Variants in ABCA10 observed in about 807,000 individuals in gnomAD.
The protein encoded by ABCA10 is ATP-binding cassette sub-family A member 10.
In ABCA10, 169 loss-of-function variants were observed where a neutral mutation model predicts 187.5. The ratio of observed to expected loss-of-function variants is 0.90; its 90% confidence interval spans 0.80 to 1.02. The LOEUF (loss-of-function observed/expected upper bound fraction) is 1.02, where lower values mean the gene tolerates loss of function less well. Ranked by LOEUF, ABCA10 falls within the 50% of genes least tolerant of loss-of-function variation. ABCA10 has a pLI of 0.00. For missense variants in ABCA10, 1,727 were observed against 1,812.4 expected (o/e 0.95, Z 0.86); for synonymous variants, 574 against 601.8 (o/e 0.95, Z 0.68).
rs138284687 is a variant in ABCA10, at chr17:69,191,199, A to G, written c.1988T>C (p.Leu663Ser). ...ACCTGGAAATTTGTTCGTTTTTTCC[A>G]AAGGCAAACTATATACAAGTTTTTC... ...SEEKLVYSLPLEKTNKFPDLY... is the reference protein window; with the variant it reads ...SEEKLVYSLPSEKTNKFPDLY... Residue 663 changes from leucine (L) to serine (S), a missense_variant, in exon 17 of 39, where the codon TTG becomes TCG. Transcript: ENST00000690296. The G allele has an allele frequency of 5.6e-4, 892 of 1,594,658 alleles. 4 individuals carry two copies. In the East Asian group the frequency reaches 0.016, roughly 29 times the overall value.
chr17:69,223,032 C>T (rs1030041815), intron 3 of ABCA10, among the ~76,000 whole-genome samples: 4 of 144,136 alleles, frequency 2.8e-5, no homozygotes, highest in Non-Finnish European at 6.0e-5. Context: ...GAAGGATATA[C>T]ACAATTTGAA....
At chr17:69,183,691 AG>A (rs554832626) in intron 20 of ABCA10, among the ~76,000 whole-genome samples, 8 of 152,220 alleles carry the variant, frequency 5.3e-5, no homozygotes, top group Admixed American at 2.0e-4. Flanking sequence ...AAGCAGTGGG[AG>A]GAACCCTGTG....
At position 69,152,064 on chromosome 17, in the gene ABCA10, G is replaced by A. The variant is rs765637298; in HGVS notation, c.4376C>T (p.Pro1459Leu). 7.4e-6 allele frequency: 12 copies of A among 1,610,864 alleles called. No individual in the cohort carries two copies. The highest frequency in any genetic ancestry group is 1.0e-5 in the Non-Finnish European group (12 of 1,179,348). ...TTACCTTTCCTGCCAAGCAGCCTGT[G>A]GGAAAAGCTTCAAAATCTCTGTGTG... ...ALHTEILKLF[P>L]QAAWQERYSS... The change falls in exon 36 of 39, where the codon CCA becomes CTA. Residue 1459 changes from proline to leucine, a missense_variant. Physicochemically the swap from Pro to Leu is moderately conservative, Grantham distance 98. Coordinates refer to ENST00000690296, the MANE Select transcript of ABCA10 (RefSeq NM_001377321.1).
rs1296354859 is a variant in ABCA10, at chr17:69,240,474, G to GA, written c.-593+4054dup. Among the ~76,000 whole-genome samples, 4 of 152,316 alleles carry GA rather than the reference G, an allele frequency of 2.6e-5. No individual in the cohort carries two copies. In the South Asian group the frequency reaches 8.3e-4, roughly 32 times the overall value. Reference sequence around the variant, plus strand: ...TTCATTTCAGCATCCACAGGAGCCTGAACAATGGGCCATTCTATGGTCCCA... The same window carrying GA: ...TTCATTTCAGCATCCACAGGAGCCTGAAACAATGGGCCATTCTATGGTCCCA... On this transcript the variant is annotated intron_variant, in intron 1 of 39. Transcript: ENST00000269081.
At chr17:69,196,597 T>C (rs1036295072) in intron 11 of ABCA10, 24 of 189,934 alleles carry the variant, frequency 1.3e-4, no homozygotes, top group African/African-American at 5.5e-4. Context: ...CGCTCCTCGC[T>C]TCCCAGATGG....
At chr17:69,215,649 T>C (rs1043916824) in intron 8 of ABCA10, 166 bp downstream of exon 8, 1 of 595,106 alleles carries the variant, frequency 1.7e-6, no homozygotes, top group Non-Finnish European at 2.6e-6. Flanking sequence ...CTGCTTTGTT[T>C]ATCCATTTGA....
At chr17:69,203,751 G>A (rs931728878) in intron 9 of ABCA10, among the ~76,000 whole-genome samples, 3 of 151,998 alleles carry the variant, frequency 2.0e-5, no homozygotes, top group South Asian at 4.1e-4. Context: ...TAATGCTTTT[G>A]GATTTTTTGT....
chr17:69,234,532 G>C (rs1323478182), intron 1 of ABCA10: 1 of 152,228 alleles, frequency 6.6e-6, no homozygotes, highest in African/African-American at 2.4e-5. Context: ...TAGGGTGCTA[G>C]TCTGCACTCT....
At chr17:69,193,654 C>T in intron 13 of ABCA10, 42 bp from the exon 14 acceptor site, 1 of 1,562,316 alleles carries the variant, frequency 6.4e-7, no homozygotes, top group South Asian at 1.2e-5. Context: ...AAATATTTTA[C>T]TTTAAGGAGT....
At chr17:69,171,921 C>A (rs1598094706) in intron 25 of ABCA10, among the ~76,000 whole-genome samples, 2 of 101,406 alleles carry the variant, frequency 2.0e-5, no homozygotes, top group African/African-American at 3.8e-5. Context: ...ATAAATGATG[C>A]ATTTTGGGAA....
chr17:69,204,893 C>A (rs1366168972), intron 9 of ABCA10, among the ~76,000 whole-genome samples: 1 of 152,228 alleles, frequency 6.6e-6, no homozygotes, highest in Non-Finnish European at 1.5e-5. Context: ...CTTTGGGAGA[C>A]CAAGACAGCT....
intron 10 of ABCA10, among the ~76,000 whole-genome samples, chr17:69,200,956 G>A (rs1422664926): frequency 6.6e-6 from 1 of 152,144 alleles, no homozygotes; most frequent in African/African-American, 2.4e-5. Context: ...CAAGTGATCT[G>A]CCCATCTGAG....
intron 1 of ABCA10, among the ~76,000 whole-genome samples, chr17:69,237,150 C>T (rs1383277155): frequency 6.6e-6 from 1 of 152,144 alleles, no homozygotes; most frequent in Admixed American, 6.5e-5. Flanking sequence ...TCAATGGAGT[C>T]GACAAGTCTT....
At chr17:69,151,422 G>T (rs1040867245) in intron 36 of ABCA10, among the ~76,000 whole-genome samples, 4 of 152,030 alleles carry the variant, frequency 2.6e-5, no homozygotes, top group Non-Finnish European at 4.4e-5. Context: ...CAGATAATAC[G>T]TATTCAATAA....
chr17:69,195,912 G>T (rs538424527), intron 11 of ABCA10, among the ~76,000 whole-genome samples: 2 of 152,204 alleles, frequency 1.3e-5, no homozygotes, highest in East Asian at 1.9e-4. Flanking sequence ...CAAGGCAGAA[G>T]AATTTTTCTT....
rs1364950477 is a variant in ABCA10 at position 69,201,685 on chromosome 17, C to T, written c.1007-17G>A. On this transcript the variant is annotated splice_polypyrimidine_tract_variant and intron_variant, in intron 9 of 38. Coordinates refer to ENST00000690296, the MANE Select transcript of ABCA10 (RefSeq NM_001377321.1). ...CATCTTTATCTAATTAATTAAGATA[C>T]AATTACATATTGCATCAATTATACC... 6.4e-7 allele frequency: 1 copy of T among 1,566,984 alleles called. No homozygotes were observed. The highest frequency in any genetic ancestry group is 8.7e-7 in the Non-Finnish European group (1 of 1,153,110).
At chr17:69,239,423 A>C (rs149486537) in intron 1 of ABCA10, among the ~76,000 whole-genome samples, 1 of 152,358 alleles carries the variant, frequency 6.6e-6, no homozygotes, top group African/African-American at 2.4e-5. Context: ...CTAAGAAATC[A>C]GATCAGGGGC....
chr17:69,148,551 C>A lies in ABCA10; in HGVS notation c.*276G>T. 1 of 290,154 alleles carries A rather than the reference C, an allele frequency of 3.4e-6. No individual in the cohort carries two copies. 18.0% of individuals were successfully genotyped at this position (290,154 alleles called of 1,614,324 possible). ...TTATTGATAATAACCGATAACCAAC[C>A]TAATATTGTATGATTTTTAAATTAT... is the stretch of plus-strand genomic sequence containing the variant. On this transcript the variant is annotated 3_prime_UTR_variant, in exon 39 of 39. Coordinates refer to ENST00000690296, the MANE Select transcript of ABCA10 (RefSeq NM_001377321.1).
At chr17:69,152,572 T>C in intron 34 of ABCA10, 91 bp from the exon 35 acceptor site, 1 of 1,506,302 alleles carries the variant, frequency 6.6e-7, no homozygotes. Context: ...AGAGAAAATG[T>C]TATGTTAGGA....
Sources: allele counts gnomAD v4.1 joint callset (sites outside exome capture counted in the v4.1 genomes callset), GRCh38; gene constraint gnomAD v4.1.1; transcripts MANE v1.5; gene names NCBI Gene and HGNC (gene_info 2026-07-23, HGNC 2026-07-21).